Variants in RBFOX1 observed in about 807,000 individuals in gnomAD.
The protein encoded by RBFOX1 is RNA binding protein fox-1 homolog 1.
RBFOX1 carries 8 observed loss-of-function variants against 57.7 expected under a neutral mutation model. That is an observed-to-expected ratio of 0.14 (90% CI 0.08 to 0.25). RBFOX1 has a LOEUF of 0.25. Among genes scored for constraint, RBFOX1 ranks in the 10% least tolerant of loss-of-function variants. The pLI, the probability that RBFOX1 is intolerant of heterozygous loss-of-function variation, is 1.00. For synonymous variants in RBFOX1, 326 were observed against 222.4 expected, an observed-to-expected ratio of 1.47 and a Z score of -4.15; for missense variants, 611 against 548.5, an observed-to-expected ratio of 1.11 and a Z score of -1.14.
At chr16:7,439,945 CTTTCTTTTTTTTTT>C (rs2098753077) in intron 4 of RBFOX1, among the ~76,000 whole-genome samples, 1 of 113,394 alleles carries the variant, frequency 8.8e-6, no homozygotes, top group Non-Finnish European at 1.9e-5. Context: ...CAAATCTTTT[CTTTCTTTTTTTTTT>C]TTTTTTTTTT....
chr16:7,421,336 C>G (rs969323153), intron 4 of RBFOX1, among the ~76,000 whole-genome samples: 1 of 152,144 alleles, frequency 6.6e-6, no homozygotes, highest in African/African-American at 2.4e-5. Context: ...CTGGTTGATT[C>G]TTAAACTGCA....
chr16:6,810,889 A>T (rs1567350326), intron 3 of RBFOX1, among the ~76,000 whole-genome samples: 2 of 152,208 alleles, frequency 1.3e-5, no homozygotes, highest in Non-Finnish European at 1.5e-5. Context: ...ATTACGGTTC[A>T]AGAGCTGATT....
intron 2 of RBFOX1, among the ~76,000 whole-genome samples, chr16:6,605,621 A>G (rs2097915014): frequency 6.6e-6 from 1 of 152,212 alleles, no homozygotes; most frequent in Non-Finnish European, 1.5e-5. Flanking sequence ...CTTCAAGTAC[A>G]GAGTGAAAAC....
intron 2 of RBFOX1, among the ~76,000 whole-genome samples, chr16:6,347,157 G>A (rs1347173484): frequency 6.6e-6 from 1 of 152,130 alleles, no homozygotes; most frequent in Non-Finnish European, 1.5e-5. Context: ...CCTGGAATGG[G>A]CAATAAAGCC....
At chr16:5,552,488 A>G (rs890456306) in intron 2 of RBFOX1, among the ~76,000 whole-genome samples, 1 of 152,230 alleles carries the variant, frequency 6.6e-6, no homozygotes, top group African/African-American at 2.4e-5. Context: ...GCAGACCAGG[A>G]AAGTTTAGTA....
intron 4 of RBFOX1, among the ~76,000 whole-genome samples, chr16:7,272,142 C>G (rs2095333658): frequency 6.6e-6 from 1 of 152,176 alleles, no homozygotes; most frequent in Non-Finnish European, 1.5e-5. Flanking sequence ...AATGGTTATG[C>G]AATATTTAAA....
At chr16:7,473,614 G>C (rs1393662281) in intron 4 of RBFOX1, among the ~76,000 whole-genome samples, 2 of 151,542 alleles carry the variant, frequency 1.3e-5, no homozygotes, top group Non-Finnish European at 1.5e-5. Context: ...TGAGTTACAG[G>C]AGCAGCTCCT....
intron 1 of RBFOX1, among the ~76,000 whole-genome samples, chr16:5,275,563 C>T (rs1261063886): frequency 6.6e-6 from 1 of 152,176 alleles, no homozygotes; most frequent in Non-Finnish European, 1.5e-5. Flanking sequence ...AAACACATTC[C>T]ATGCTCATGG....
At chr16:5,527,333 A>G (rs2044286671) in intron 2 of RBFOX1, among the ~76,000 whole-genome samples, 1 of 152,180 alleles carries the variant, frequency 6.6e-6, no homozygotes, top group Non-Finnish European at 1.5e-5. Context: ...AACACTGGGA[A>G]ATGGAGTTCG....
intron 6 of RBFOX1, among the ~76,000 whole-genome samples, chr16:7,580,366 G>A (rs35080053): frequency 0.32 from 48,375 of 151,986 alleles, 9,031 homozygotes; most frequent in East Asian, 0.53. Flanking sequence ...CCCAGGCACT[G>A]TGCATTTAGA....
At chr16:5,847,196 A>C (rs547261837) in intron 3 of RBFOX1, among the ~76,000 whole-genome samples, 145 of 152,282 alleles carry the variant, frequency 9.5e-4, no homozygotes, top group African/African-American at 3.3e-3. Flanking sequence ...CATGACTCTC[A>C]GGTAGGAAAC....
At chr16:7,328,353 C>G (rs751288673) in intron 4 of RBFOX1, among the ~76,000 whole-genome samples, 11 of 151,532 alleles carry the variant, frequency 7.3e-5, no homozygotes, top group Non-Finnish European at 1.2e-4. Context: ...GGTGGCGGAT[C>G]CCTGTAATCC....
At chr16:7,440,055 G>T (rs1184356319) in intron 4 of RBFOX1, among the ~76,000 whole-genome samples, 4 of 149,658 alleles carry the variant, frequency 2.7e-5, no homozygotes, top group Non-Finnish European at 5.9e-5. Flanking sequence ...GGGTTCAGGT[G>T]ATCCTCCCAC....
At chr16:5,618,494 C>A (rs980132684) in intron 3 of RBFOX1, among the ~76,000 whole-genome samples, 1 of 152,098 alleles carries the variant, frequency 6.6e-6, no homozygotes, top group Non-Finnish European at 1.5e-5. Flanking sequence ...CCCGCCATCA[C>A]GCCCAGCTAA....
intron 4 of RBFOX1, among the ~76,000 whole-genome samples, chr16:7,399,370 C>G (rs574277088): frequency 4.4e-4 from 67 of 152,234 alleles, no homozygotes; most frequent in African/African-American, 1.4e-3. Context: ...TTGCTTTAAC[C>G]TGGGAGGCAG....
chr16:5,350,636 C>T (rs1406584098), intron 1 of RBFOX1, among the ~76,000 whole-genome samples: 3 of 152,152 alleles, frequency 2.0e-5, no homozygotes, highest in Admixed American at 1.3e-4. Context: ...GAGGCCAAAG[C>T]GGGCGGATCA....
At chr16:6,118,444 T>C (rs1597461691) in intron 1 of RBFOX1, among the ~76,000 whole-genome samples, 1 of 152,262 alleles carries the variant, frequency 6.6e-6, no homozygotes, top group East Asian at 1.9e-4. Context: ...GTTTCCAGAA[T>C]CATAGATGGC....
At chr16:6,388,935 A>G (rs1334814577) in intron 2 of RBFOX1, among the ~76,000 whole-genome samples, 8 of 152,186 alleles carry the variant, frequency 5.3e-5, no homozygotes, top group Admixed American at 5.2e-4. Flanking sequence ...ACAGGTGGAG[A>G]TGGAGAGTTC....
chr16:5,741,513 A>G (rs1402052373), intron 3 of RBFOX1, among the ~76,000 whole-genome samples: 2 of 152,212 alleles, frequency 1.3e-5, no homozygotes, highest in African/African-American at 2.4e-5. Flanking sequence ...CACAGTAGCA[A>G]TTTTGAGTGA....
Sources: gnomAD v4.1 joint callset for allele counts (sites outside exome capture counted in the v4.1 genomes callset) on GRCh38, gnomAD v4.1.1 for gene constraint, MANE v1.5 for transcripts, NCBI Gene and HGNC (gene_info 2026-07-23, HGNC 2026-07-21) for gene names.